PTPRZ1: variants seen among roughly 807,000 people sequenced by gnomAD.
PTPRZ1 encodes protein tyrosine phosphatase receptor type Z1.
In PTPRZ1, 82 loss-of-function variants were observed where a neutral mutation model predicts 214.1. The ratio of observed to expected loss-of-function variants is 0.38; its 90% confidence interval spans 0.32 to 0.46. The LOEUF (loss-of-function observed/expected upper bound fraction) is 0.46. PTPRZ1 is among the 20% of genes least tolerant of loss of function. The pLI, the probability that PTPRZ1 is intolerant of heterozygous loss-of-function variation, is 1.00. For missense variants in PTPRZ1, 2,603 were observed against 2,748.7 expected, an observed-to-expected ratio of 0.95 and a Z score of 1.19; for synonymous variants, 945 against 987.9, an observed-to-expected ratio of 0.96 and a Z score of 0.81.
At chr7:121,933,153 G>A (rs75625014) in intron 2 of PTPRZ1, among the ~76,000 whole-genome samples, 14 of 132,780 alleles carry the variant, frequency 1.1e-4, no homozygotes, top group Admixed American at 2.3e-4. Flanking sequence ...ACAGTTCAGT[G>A]AAAAAAAAAA....
chr7:121,926,206 G>A (rs2116364384), intron 1 of PTPRZ1, among the ~76,000 whole-genome samples: 1 of 129,938 alleles, frequency 7.7e-6, no homozygotes, highest in East Asian at 2.4e-4. Context: ...TCAGGAGGCT[G>A]AGGCAGAAGA....
Position 121,967,978 on chromosome 7 carries a change from A to G in PTPRZ1, c.152A>G (p.Lys51Arg). 6.3e-7 allele frequency: 1 copy of G among 1,586,426 alleles called. No individual in the cohort carries two copies. ...GCACTGAATCAAAAAAATTGGGGAA[A>G]GAAATATCCAACATGTAATAGCCCA... Reference protein sequence around the residue: ...TGALNQKNWGKKYPTCNSPKQ... With the variant: ...TGALNQKNWGRKYPTCNSPKQ... Residue 51 changes from lysine to arginine, a missense_variant, in exon 3 of 30, where the codon AAG (lysine) becomes AGG (arginine). Coordinates refer to ENST00000393386, the MANE Select transcript of PTPRZ1 (RefSeq NM_002851.3).
At chr7:122,004,232 C>T (rs962897810) in intron 10 of PTPRZ1, among the ~76,000 whole-genome samples, 2 of 152,104 alleles carry the variant, frequency 1.3e-5, no homozygotes, top group Non-Finnish European at 2.9e-5. Context: ...TTTTATCAGC[C>T]CTGCTAAGGA....
Position 122,044,655 on chromosome 7 carries a change from G to A in PTPRZ1, c.6084+87G>A, listed in dbSNP as rs890355289. 2.0e-5 allele frequency: 27 copies of A among 1,375,834 alleles called. No individual in the cohort carries two copies. In the East Asian group the frequency reaches 6.3e-4, roughly 32 times the overall value. The allele number at this position is 1,375,834 out of a possible 1,614,324, so 85.2% of individuals were successfully genotyped here. A position where few individuals can be genotyped will look rare whatever the true frequency, so the allele number is the denominator to read the frequency against. On this transcript the variant is annotated intron_variant, in intron 23 of 29. Coordinates refer to ENST00000393386, the MANE Select transcript of PTPRZ1 (RefSeq NM_002851.3). The stretch of plus-strand genomic sequence containing the variant: ...ATTTGAGTTGACAGGGTCACGTTGA[G>A]TGGGCAGTATGGGTACAATGACTTT...
chr7:122,057,864 G>A (rs1186831956), intron 27 of PTPRZ1, among the ~76,000 whole-genome samples: 1 of 151,198 alleles, frequency 6.6e-6, no homozygotes, highest in Non-Finnish European at 1.5e-5. Context: ...GTGAGACAAG[G>A]GTTCGGTTTC....
chr7:121,941,516 T>A (rs773897772), intron 2 of PTPRZ1, among the ~76,000 whole-genome samples: 7 of 152,346 alleles, frequency 4.6e-5, no homozygotes, highest in African/African-American at 1.7e-4. Flanking sequence ...TTCTGGAAAG[T>A]GGAATTGCAA....
Position 121,948,615 on chromosome 7 carries a change from C to T in PTPRZ1, c.125-19336C>T, listed in dbSNP as rs192292982. On this transcript the variant is annotated intron_variant, in intron 2 of 29. Coordinates refer to ENST00000393386, the MANE Select transcript of PTPRZ1 (RefSeq NM_002851.3). The stretch of plus-strand genomic sequence containing the variant: ...AGAGGATGAATGTTTCAGGCAAGGG[C>T]AGGGAAAGTGCGAAGGCACTGAGAT... Among the ~76,000 whole-genome samples, 367 of 152,144 alleles carry T rather than the reference C, an allele frequency of 2.4e-3. 1 individual carries two copies. The highest frequency in any genetic ancestry group is 8.2e-3 in the Admixed American group (125 of 15,290).
At chr7:121,880,245 C>G (rs1794197571) in intron 1 of PTPRZ1, among the ~76,000 whole-genome samples, 1 of 152,070 alleles carries the variant, frequency 6.6e-6, no homozygotes, top group Non-Finnish European at 1.5e-5. Flanking sequence ...TCAATAAGTA[C>G]AAGTCAATTT....
At chr7:121,981,244 T>G (rs538505878) in intron 6 of PTPRZ1, among the ~76,000 whole-genome samples, 1 of 152,330 alleles carries the variant, frequency 6.6e-6, no homozygotes, top group Admixed American at 6.5e-5. Flanking sequence ...TTGCATCACC[T>G]GGGGATGCTT....
chr7:122,059,991 T>TAAC (rs1792518896), intron 29 of PTPRZ1, 103 bp downstream of exon 29: 1 of 1,137,640 alleles, frequency 8.8e-7, no homozygotes, highest in African/African-American at 1.6e-5. Flanking sequence ...TATTAACTGA[T>TAAC]AACATTAGTA....
chr7:121,945,145 A>G (rs956370873), intron 2 of PTPRZ1, among the ~76,000 whole-genome samples: 2 of 152,238 alleles, frequency 1.3e-5, no homozygotes, highest in Non-Finnish European at 2.9e-5. Flanking sequence ...ACTTATTCAT[A>G]TATTCAACAC....
chr7:122,052,029 TG>T, intron 25 of PTPRZ1, 90 bp downstream of exon 25: 1 of 962,794 alleles, frequency 1.0e-6, no homozygotes. Context: ...ACTACAGGCA[TG>T]GGCAAATGAG....
At chr7:121,892,679 CATATATATATATATATATATATATATAT>C (rs58030102) in intron 1 of PTPRZ1, among the ~76,000 whole-genome samples, 13 of 98,212 alleles carry the variant, frequency 1.3e-4, no homozygotes, top group South Asian at 9.5e-4. Context: ...TCAAGCATCT[CATATATATATATATATATATATATATAT>C]ATATATATAT....
At position 122,012,350 on chromosome 7, in the gene PTPRZ1, T is replaced by C. The variant is rs770284793; in HGVS notation, c.3304T>C (p.Ser1102Pro). ...ISSTKGMFPG[S>P]LAHTTTKVFD... is the part of the protein sequence containing the mutation. ...TAGCACCAAGGGCATGTTTCCAGGG[T>C]CCCTTGCTCATACCACCACTAAGGT... Residue 1102 changes from serine (S) to proline (P), a missense_variant, in exon 12 of 30, where the codon TCC becomes CCC. Ser to Pro is a moderately conservative substitution (Grantham distance 74). Around this residue, in one of 6 missense-constraint regions of PTPRZ1, gnomAD observed 1,913 missense variants for 1,914.3 expected, o/e 1.00. Coordinates refer to ENST00000393386, the MANE Select transcript of PTPRZ1 (RefSeq NM_002851.3). 3.1e-6 allele frequency: 5 copies of C among 1,613,720 alleles called. No individual in the cohort carries two copies. The Admixed American group carries it at 6.7e-5, about 22-fold the overall frequency.
rs1584586624 is a variant in PTPRZ1 at position 121,873,168 on chromosome 7, G to T, written c.-332G>T. 2.4e-6 allele frequency: 1 copy of T among 411,814 alleles called. No homozygotes were observed. Among genetic ancestry groups the T allele is most frequent in the Non-Finnish European group, 4.3e-6 (1 of 234,114 alleles). 25.5% of individuals were successfully genotyped at this position (411,814 alleles called of 1,614,324 possible). ...GCTGCTCTCGGAGCGCTCAGACCGCGGCCGCCGCAGCCGGCGAAAGAGGCA... is the reference window on the plus strand; with the variant it reads ...GCTGCTCTCGGAGCGCTCAGACCGCTGCCGCCGCAGCCGGCGAAAGAGGCA... On this transcript the variant is annotated 5_prime_UTR_variant, in exon 1 of 30. Coordinates refer to ENST00000393386, the MANE Select transcript of PTPRZ1 (RefSeq NM_002851.3).
intron 23 of PTPRZ1, among the ~76,000 whole-genome samples, chr7:122,045,298 G>A (rs1379564615): frequency 6.6e-6 from 1 of 152,036 alleles, no homozygotes; most frequent in Non-Finnish European, 1.5e-5. Context: ...GAGAAATAGG[G>A]CCAAATTTTG....
At chr7:121,948,601 GT>G (rs1243345277) in intron 2 of PTPRZ1, among the ~76,000 whole-genome samples, 2 of 152,300 alleles carry the variant, frequency 1.3e-5, no homozygotes, top group South Asian at 4.1e-4. Flanking sequence ...GAGGATGAAT[GT>G]TTCAGGCAAG....
At chr7:121,934,797 T>C (rs1206508) in intron 2 of PTPRZ1, among the ~76,000 whole-genome samples, 3,558 of 152,262 alleles carry the variant, frequency 0.023, 92 homozygotes, top group African/African-American at 0.06. Context: ...TTTTTTAAAG[T>C]TTAGCTAAGA....
At chr7:122,057,406 T>C (rs1379242792) in intron 27 of PTPRZ1, among the ~76,000 whole-genome samples, 11 of 151,792 alleles carry the variant, frequency 7.2e-5, no homozygotes, top group Admixed American at 7.2e-4. Flanking sequence ...TTACATACAA[T>C]ATGTTTTATA....
Sources: gnomAD v4.1 joint callset for allele counts (sites outside exome capture counted in the v4.1 genomes callset) on GRCh38, gnomAD v4.1.1 for gene constraint, gnomAD v4.1.1 regional missense constraint, MANE v1.5 for transcripts, NCBI Gene and HGNC (gene_info 2026-07-23, HGNC 2026-07-21) for gene names.